Variants in CDH20 observed in about 807,000 individuals in gnomAD.
The protein encoded by CDH20 is cadherin 20.
CDH20 carries 29 observed loss-of-function variants against 74.2 expected under a neutral mutation model. That is an observed-to-expected ratio of 0.39 (90% CI 0.29 to 0.53). CDH20 has a LOEUF of 0.53. Ranked by LOEUF, CDH20 falls within the 20% of genes least tolerant of loss-of-function variation. The pLI, the probability that CDH20 is intolerant of heterozygous loss-of-function variation, is 0.69. For missense variants in CDH20, 988 were observed against 1,048.3 expected, an observed-to-expected ratio of 0.94 and a Z score of 0.79; for synonymous variants, 469 against 405.4, an observed-to-expected ratio of 1.16 and a Z score of -1.88.
chr18:61,489,193 A>C (rs529053286), intron 1 of CDH20, among the ~76,000 whole-genome samples: 97 of 152,362 alleles, frequency 6.4e-4, no homozygotes, highest in Middle Eastern at 6.8e-3. Flanking sequence ...ATTATAAAGT[A>C]GTTTAAAATT....
intron 6 of CDH20, among the ~76,000 whole-genome samples, chr18:61,512,220 C>A (rs532814307): frequency 6.6e-6 from 1 of 152,116 alleles, no homozygotes; most frequent in African/African-American, 2.4e-5. Flanking sequence ...ATCAATCAGT[C>A]GATTTTCAGT....
At chr18:61,452,141 T>C (rs1186324650) in intron 1 of CDH20, among the ~76,000 whole-genome samples, 1 of 152,174 alleles carries the variant, frequency 6.6e-6, no homozygotes, top group African/African-American at 2.4e-5. Context: ...TGATATCTCC[T>C]CCTTCCATTC....
At chr18:61,412,092 A>G (rs2144251268) in intron 1 of CDH20, among the ~76,000 whole-genome samples, 1 of 152,224 alleles carries the variant, frequency 6.6e-6, no homozygotes. Flanking sequence ...AAATTAAAAG[A>G]TACATGATGG....
chr18:61,437,948 A>T (rs1908891004), intron 1 of CDH20, among the ~76,000 whole-genome samples: 1 of 152,178 alleles, frequency 6.6e-6, no homozygotes, highest in Non-Finnish European at 1.5e-5. Flanking sequence ...AATTACTTTC[A>T]TTTAACAATT....
Position 61,450,294 on chromosome 18 carries a change from C to T in CDH20, c.-152-40108C>T, listed in dbSNP as rs183838965. On this transcript the variant is annotated intron_variant, in intron 1 of 11. Transcript: ENST00000262717. ...ATGGAAGAGAACACAGTCTACCTCC[C>T]TCTCAGATAAGGAAAATAAGTCTCA... is the stretch of plus-strand genomic sequence containing the variant. Among the ~76,000 whole-genome samples the T allele has an allele frequency of 5.0e-4, 76 of 151,768 alleles. 1 individual carries two copies. In the East Asian group the frequency reaches 0.014, roughly 28 times the overall value.
At chr18:61,365,022 T>C (rs1161218398) in intron 1 of CDH20, among the ~76,000 whole-genome samples, 1 of 152,212 alleles carries the variant, frequency 6.6e-6, no homozygotes, top group Non-Finnish European at 1.5e-5. Flanking sequence ...TGTGCTTTCC[T>C]ACTATTATGT....
At chr18:61,339,039 G>A (rs1909848844) in intron 1 of CDH20, among the ~76,000 whole-genome samples, 1 of 151,984 alleles carries the variant, frequency 6.6e-6, no homozygotes, top group African/African-American at 2.4e-5. Flanking sequence ...AATGGTTCTT[G>A]TTACTTTGAA....
intron 6 of CDH20, among the ~76,000 whole-genome samples, chr18:61,514,962 T>C (rs1484550245): frequency 1.3e-5 from 2 of 151,686 alleles, no homozygotes; most frequent in African/African-American, 4.8e-5. Context: ...TGTTTGTCTG[T>C]GCCCTGCCCC....
chr18:61,422,700 T>G (rs1912925639), intron 1 of CDH20, among the ~76,000 whole-genome samples: 1 of 151,734 alleles, frequency 6.6e-6, no homozygotes, highest in African/African-American at 2.4e-5. Context: ...AAAAAATTAC[T>G]CACAGTATAC....
Position 61,503,080 on chromosome 18 carries a change from C to A in CDH20, c.789C>A (p.Thr263=), listed in dbSNP as rs749764804. The A allele has an allele frequency of 6.2e-7, 1 of 1,613,182 alleles. No homozygotes were observed. Among genetic ancestry groups the A allele is most frequent in the Non-Finnish European group, 8.5e-7 (1 of 1,179,556 alleles). The change falls in exon 5 of 12, where the codon ACC becomes ACA. Residue 263 remains threonine, a synonymous_variant. Coordinates refer to ENST00000262717, the MANE Select transcript of CDH20 (RefSeq NM_031891.4). ...CTGGGACCACAACAGTCAACATCAC[C>A]CTCTCAGATGTCAATGATAACCCAC... The part of the protein sequence containing the change: ...GLAGTTTVNI[T]LSDVNDNPPR...
chr18:61,382,480 G>T (rs545971025), intron 1 of CDH20, among the ~76,000 whole-genome samples: 131 of 152,232 alleles, frequency 8.6e-4, no homozygotes, highest in African/African-American at 3.0e-3. Context: ...TCTTAACATG[G>T]GGAATATAGT....
intron 6 of CDH20, among the ~76,000 whole-genome samples, chr18:61,520,117 C>A (rs1912144870): frequency 6.7e-6 from 1 of 150,212 alleles, no homozygotes; most frequent in Non-Finnish European, 1.5e-5. Context: ...GAGATCAAGA[C>A]CATCCTGGCT....
chr18:61,475,857 T>G (rs567742672), intron 1 of CDH20, among the ~76,000 whole-genome samples: 3 of 152,336 alleles, frequency 2.0e-5, no homozygotes, highest in African/African-American at 7.2e-5. Flanking sequence ...ACATCATAAA[T>G]GAAAATTAGA....
chr18:61,377,028 A>T lies in CDH20; in HGVS notation c.-153+43201A>T, dbSNP rs547737869. The stretch of plus-strand genomic sequence containing the variant: ...GTAGAGAATAATTTATTCTTCTTTC[A>T]TGACAGAAAGTGAGGCAGCTCTGCT... On this transcript the variant is annotated intron_variant, in intron 1 of 11. Coordinates refer to ENST00000262717, the MANE Select transcript of CDH20 (RefSeq NM_031891.4). Among the ~76,000 whole-genome samples, 7 of 152,290 alleles carry T rather than the reference A, an allele frequency of 4.6e-5. No homozygotes were observed. The South Asian group carries it at 1.2e-3, about 27-fold the overall frequency.
intron 2 of CDH20, among the ~76,000 whole-genome samples, chr18:61,495,465 C>G (rs1478910693): frequency 6.6e-6 from 1 of 152,228 alleles, no homozygotes. Flanking sequence ...CAACCATCTC[C>G]TCTCCCAGGT....
chr18:61,431,395 A>T (rs969837984), intron 1 of CDH20, among the ~76,000 whole-genome samples: 1 of 152,216 alleles, frequency 6.6e-6, no homozygotes, highest in African/African-American at 2.4e-5. Context: ...CAAATAAAGT[A>T]TGGACGTTAG....
At chr18:61,483,537 T>C (rs1182042877) in intron 1 of CDH20, among the ~76,000 whole-genome samples, 1 of 152,226 alleles carries the variant, frequency 6.6e-6, no homozygotes, top group Non-Finnish European at 1.5e-5. Flanking sequence ...CTGCTGTTAT[T>C]GCTTCTGTTG....
intron 1 of CDH20, among the ~76,000 whole-genome samples, chr18:61,470,261 T>A (rs906504894): frequency 2.0e-5 from 3 of 152,162 alleles, no homozygotes; most frequent in African/African-American, 7.2e-5. Context: ...ACACAACCTA[T>A]CCCGTGACTG....
chr18:61,486,735 CTT>C, intron 1 of CDH20, among the ~76,000 whole-genome samples: 1 of 152,300 alleles, frequency 6.6e-6, no homozygotes, highest in East Asian at 1.9e-4. Context: ...ATTTACCTCT[CTT>C]AAAGGCATTA....
Sources: gnomAD v4.1 joint callset for allele counts (sites outside exome capture counted in the v4.1 genomes callset) on GRCh38, gnomAD v4.1.1 for gene constraint, MANE v1.5 for transcripts, NCBI Gene and HGNC (gene_info 2026-07-23, HGNC 2026-07-21) for gene names.